CIT: variants seen among roughly 807,000 people sequenced by gnomAD.
CIT encodes citron rho-interacting serine/threonine kinase.
CIT carries 79 observed loss-of-function variants against 272.7 expected under a neutral mutation model. That is an observed-to-expected ratio of 0.29 (90% CI 0.24 to 0.35). The LOEUF (loss-of-function observed/expected upper bound fraction) is 0.35, where lower values mean the gene tolerates loss of function less well. CIT is among the 10% of genes least tolerant of loss of function. CIT has a pLI of 1.00. For synonymous variants in CIT, 948 were observed against 995.6 expected (o/e 0.95, Z 0.90); for missense variants, 1,909 against 2,618.3 (o/e 0.73, Z 5.91).
Position 119,822,974 on chromosome 12 carries a change from C to G in CIT, c.958-1G>C. On this transcript the variant is annotated splice_acceptor_variant, in intron 8 of 47. Transcript: ENST00000392521. LOFTEE classifies it high-confidence loss of function. Reference sequence around the variant, plus strand: ...GGTCATCTGGAAATTTCAAAAACCGCTGTTCCAAAAAAAATAAGAGAATTA... The same window carrying G: ...GGTCATCTGGAAATTTCAAAAACCGGTGTTCCAAAAAAAATAAGAGAATTA... 1 of 1,599,404 alleles carries G rather than the reference C, an allele frequency of 6.3e-7. No individual in the cohort carries two copies.
chr12:119,852,456 G>T (rs1970284820), intron 4 of CIT, among the ~76,000 whole-genome samples: 1 of 152,174 alleles, frequency 6.6e-6, no homozygotes, highest in Non-Finnish European at 1.5e-5. Flanking sequence ...GCTCACGCCT[G>T]AAATCCCAGC....
chr12:119,815,885 G>A (rs556610258), intron 9 of CIT, among the ~76,000 whole-genome samples: 11 of 152,176 alleles, frequency 7.2e-5, no homozygotes, highest in Non-Finnish European at 1.2e-4. Context: ...ATTTTTCGCC[G>A]TATAACCTTC....
chr12:119,803,474 C>T (rs1432984270), intron 9 of CIT, 85 bp from the exon 10 acceptor site: 3 of 1,021,226 alleles, frequency 2.9e-6, no homozygotes, highest in African/African-American at 3.4e-5. Context: ...GATCGTCTTA[C>T]TCCTTCGGCG....
At position 119,720,685 on chromosome 12, in the gene CIT, A is replaced by G. The variant is rs570566346; in HGVS notation, c.3733-100T>C. 2.2e-4 allele frequency: 169 copies of G among 763,920 alleles called. No homozygotes were observed. In the Middle Eastern group the frequency reaches 2.5e-3, roughly 11 times the overall value. 47.3% of individuals were successfully genotyped at this position (763,920 alleles called of 1,614,324 possible). On this transcript the variant is annotated intron_variant, in intron 29 of 47. Transcript: ENST00000392521. ...AAAAAGTGAAGTTGTTAGGACACTA[A>G]TATATGAAAATCCAACACAAACAGT...
At chr12:119,801,245 T>C (rs1401313536) in intron 10 of CIT, among the ~76,000 whole-genome samples, 1 of 152,102 alleles carries the variant, frequency 6.6e-6, no homozygotes, top group Non-Finnish European at 1.5e-5. Context: ...TCAAATACAA[T>C]AAGCAATATA....
At chr12:119,738,039 G>T (rs1958871085) in intron 24 of CIT, among the ~76,000 whole-genome samples, 1 of 152,162 alleles carries the variant, frequency 6.6e-6, no homozygotes, top group Non-Finnish European at 1.5e-5. Flanking sequence ...ACTGTCCTTT[G>T]AAGTAGGTAT....
At chr12:119,788,204 A>G (rs73416188) in intron 10 of CIT, among the ~76,000 whole-genome samples, 103 of 152,290 alleles carry the variant, frequency 6.8e-4, no homozygotes, top group African/African-American at 2.5e-3. Flanking sequence ...TACGCTTCTC[A>G]CCAGCCTGTT....
Position 119,735,325 on chromosome 12 carries a change from C to T in CIT, c.2991G>A (p.Gln997=). The change falls in exon 25 of 48, where the codon CAG becomes CAA. Residue 997 remains glutamine, a synonymous_variant. Coordinates refer to ENST00000392521, the MANE Select transcript of CIT (RefSeq NM_001206999.2). ...VITDLEEQLN[Q]LTEDNAELNN... Reference sequence around the variant, plus strand: ...TGAGTTCAGCGTTGTCCTCGGTCAGCTGGTTTAGCTGCTCCTCCAGGTCTG... The same window carrying T: ...TGAGTTCAGCGTTGTCCTCGGTCAGTTGGTTTAGCTGCTCCTCCAGGTCTG... 1.2e-6 allele frequency: 2 copies of T among 1,614,202 alleles called. No homozygotes were observed. The highest frequency in any genetic ancestry group is 1.7e-6 in the Non-Finnish European group (2 of 1,180,034).
intron 18 of CIT, 57 bp from the exon 19 acceptor site, chr12:119,767,239 C>T (rs548622356): frequency 3.8e-5 from 49 of 1,292,394 alleles, no homozygotes; most frequent in Middle Eastern, 2.1e-4. Flanking sequence ...CGCCAATGCA[C>T]GTTAGACATT....
At chr12:119,850,934 T>G (rs891482361) in intron 4 of CIT, among the ~76,000 whole-genome samples, 1 of 152,006 alleles carries the variant, frequency 6.6e-6, no homozygotes, top group African/African-American at 2.4e-5. Context: ...ACAAAGACAG[T>G]AGATTGGATG....
chr12:119,834,111 C>T lies in CIT; in HGVS notation c.634G>A (p.Val212Ile), dbSNP rs181241999. Residue 212 changes from valine (V) to isoleucine (I), a missense_variant, in exon 6 of 48, where the codon GTT (valine) becomes ATT (isoleucine). This residue lies in a region of CIT where 529 missense variants were observed against 549.6 expected (regional missense o/e 0.96). Coordinates refer to ENST00000392521, the MANE Select transcript of CIT (RefSeq NM_001206999.2). ...CGATGCACGTATCCCATCAGATGAA[C>T]GCTGTGAACAGCCAAAATCAGCTCA... is the stretch of plus-strand genomic sequence containing the variant. ...LAELILAVHS[V>I]HLMGYVHRDI... The T allele has an allele frequency of 5.6e-5, 91 of 1,613,526 alleles. No homozygotes were observed. In the East Asian group the frequency reaches 1.3e-3, roughly 23 times the overall value.
chr12:119,760,236 G>A (rs1961590056), intron 20 of CIT, among the ~76,000 whole-genome samples: 1 of 151,624 alleles, frequency 6.6e-6, no homozygotes, highest in South Asian at 2.1e-4. Context: ...AGTCTTGGTG[G>A]AGTGCAGATA....
At chr12:119,763,010 C>CA (rs1486694975) in intron 19 of CIT, among the ~76,000 whole-genome samples, 2 of 152,168 alleles carry the variant, frequency 1.3e-5, no homozygotes, top group African/African-American at 4.8e-5. Flanking sequence ...CACACTACCA[C>CA]ATTCTACCCT....
At chr12:119,726,012 G>A (rs1399079799) in intron 28 of CIT, among the ~76,000 whole-genome samples, 1 of 21,772 alleles carries the variant, frequency 4.6e-5, no homozygotes, top group East Asian at 8.9e-4. Flanking sequence ...CCAAATATAC[G>A]TGTGTGTGTG....
At chr12:119,817,534 G>T (rs559959343) in intron 9 of CIT, among the ~76,000 whole-genome samples, 1 of 151,908 alleles carries the variant, frequency 6.6e-6, no homozygotes, top group African/African-American at 2.4e-5. Context: ...AGCACATGTG[G>T]TTCAGTAAAC....
rs141113548 is a variant in CIT at position 119,688,091 on chromosome 12, C to T, written c.*141G>A. Reference sequence around the variant, plus strand: ...TGCCCCTCCTGGAGACAGGGGTGTCCGTGCCGAGGTGGGTCTGGGCCCCGC... The same window carrying T: ...TGCCCCTCCTGGAGACAGGGGTGTCTGTGCCGAGGTGGGTCTGGGCCCCGC... On this transcript the variant is annotated 3_prime_UTR_variant, in exon 48 of 48. Coordinates refer to ENST00000392521, the MANE Select transcript of CIT (RefSeq NM_001206999.2). 2,697 of 857,290 alleles carry T rather than the reference C, an allele frequency of 3.1e-3. 14 individuals carry two copies. The highest frequency in any genetic ancestry group is 6.9e-3 in the Admixed American group (355 of 51,348). The allele number at this position is 857,290 out of a possible 1,614,324, so 53.1% of individuals were successfully genotyped here. A position where few individuals can be genotyped will look rare whatever the true frequency, so the allele number is the denominator to read the frequency against.
At chr12:119,867,467 C>T (rs557083678) in intron 3 of CIT, among the ~76,000 whole-genome samples, 28 of 152,320 alleles carry the variant, frequency 1.8e-4, no homozygotes, top group African/African-American at 6.5e-4. Flanking sequence ...GGCTTACACG[C>T]ATGAGCCACC....
chr12:119,688,745 AC>A (rs1363569567), intron 47 of CIT, among the ~76,000 whole-genome samples: 2 of 152,216 alleles, frequency 1.3e-5, no homozygotes, highest in African/African-American at 4.8e-5. Flanking sequence ...TCGATCGCAA[AC>A]CTAAAATTAC....
chr12:119,720,714 GAGTC>G lies in CIT; in HGVS notation c.3733-133_3733-130del, dbSNP rs1420015432. 12 of 591,938 alleles carry G rather than the reference GAGTC, an allele frequency of 2.0e-5. No homozygotes were observed. The Admixed American group carries it at 2.9e-4, about 14-fold the overall frequency. The allele number at this position is 591,938 out of a possible 1,614,324, so 36.7% of individuals were successfully genotyped here. ...ATGAAAATCCAACACAAACAGTACT[GAGTC>G]AGTATGTATTTAGTCCAGTTTTACT... On this transcript the variant is annotated intron_variant, in intron 29 of 47. Coordinates refer to ENST00000392521, the MANE Select transcript of CIT (RefSeq NM_001206999.2).
Sources: gnomAD v4.1 joint callset for allele counts (sites outside exome capture counted in the v4.1 genomes callset) on GRCh38, gnomAD v4.1.1 for gene constraint, gnomAD v4.1.1 regional missense constraint, MANE v1.5 for transcripts, NCBI Gene and HGNC (gene_info 2026-07-23, HGNC 2026-07-21) for gene names.